APP: variants seen among roughly 807,000 people sequenced by gnomAD.
APP encodes amyloid-beta precursor protein.
In APP, 31 loss-of-function variants were observed where a neutral mutation model predicts 101.4. That is an observed-to-expected ratio of 0.31 (90% CI 0.23 to 0.41). The LOEUF is 0.41. APP is among the 10% of genes least tolerant of loss of function. The pLI, the probability that APP is intolerant of heterozygous loss-of-function variation, is 1.00. For synonymous variants in APP, 366 were observed against 364.4 expected (o/e 1.00, Z -0.05); for missense variants, 839 against 1,003.7 (o/e 0.84, Z 2.22).
chr21:26,135,433 G>T (rs2062875912), intron 1 of APP, among the ~76,000 whole-genome samples: 1 of 152,284 alleles, frequency 6.6e-6, no homozygotes, highest in Admixed American at 6.5e-5. Context: ...ATAGAACCAT[G>T]ACAAAACATA....
At chr21:26,110,586 A>G (rs1022896568) in intron 2 of APP, among the ~76,000 whole-genome samples, 4 of 152,228 alleles carry the variant, frequency 2.6e-5, no homozygotes, top group African/African-American at 9.6e-5. Flanking sequence ...GATAATGTAG[A>G]TGCTTTTTGC....
rs548796813 is a variant in APP, at chr21:25,901,986, A to G, written c.1963+3038T>C. ...CTGTATAATTAGTCCTTCAGAGTCT[A>G]TTTTTTCTTTGGAAGTAAGCCAGGA... On this transcript the variant is annotated intron_variant, in intron 15 of 17. Coordinates refer to ENST00000346798, the MANE Select transcript of APP (RefSeq NM_000484.4). 1.1e-4 allele frequency among the ~76,000 whole-genome samples: 17 copies of G among 151,996 alleles called. No individual in the cohort carries two copies. The East Asian group carries it at 2.7e-3, about 24-fold the overall frequency.
At position 26,049,645 on chromosome 21, in the gene APP, T is replaced by C. The variant is rs139554346; in HGVS notation, c.662+1355A>G. Among the ~76,000 whole-genome samples the C allele has an allele frequency of 1.6e-3, 247 of 152,312 alleles. 3 individuals carry two copies. Among genetic ancestry groups the C allele is most frequent in the South Asian group, 2.3e-3 (11 of 4,822 alleles). ...AGCAACTAAAGAAAGAAATTAATTT[T>C]TCCTAGCTATGGAGAATTGACAAAA... On this transcript the variant is annotated intron_variant, in intron 5 of 17. Transcript: ENST00000346798.
intron 7 of APP, 45 bp downstream of exon 7, chr21:25,999,970 C>T (rs200839321): frequency 3.5e-5 from 56 of 1,602,704 alleles, no homozygotes; most frequent in East Asian, 1.6e-4. Flanking sequence ...GAGTCAGTGG[C>T]GAGAGAGACG....
At chr21:25,884,946 C>G (rs1352113559) in intron 17 of APP, among the ~76,000 whole-genome samples, 2 of 152,188 alleles carry the variant, frequency 1.3e-5, no homozygotes, top group Non-Finnish European at 2.9e-5. Flanking sequence ...GCTAGAGATG[C>G]GAGGCTCCAA....
intron 16 of APP, among the ~76,000 whole-genome samples, chr21:25,894,827 T>C (rs1288739401): frequency 6.6e-6 from 1 of 152,236 alleles, no homozygotes; most frequent in Non-Finnish European, 1.5e-5. Context: ...AAAGCTGTTC[T>C]ACTGTGAGCA....
At chr21:26,148,215 T>C (rs996401138) in intron 1 of APP, among the ~76,000 whole-genome samples, 1 of 152,174 alleles carries the variant, frequency 6.6e-6, no homozygotes, top group African/African-American at 2.4e-5. Flanking sequence ...TGGTAAACAA[T>C]TATTTCAATG....
chr21:26,030,376 A>G (rs2044766979), intron 5 of APP, among the ~76,000 whole-genome samples: 1 of 152,170 alleles, frequency 6.6e-6, no homozygotes, highest in African/African-American at 2.4e-5. Flanking sequence ...CTAAAAATTT[A>G]TGTTAATTTT....
intron 3 of APP, among the ~76,000 whole-genome samples, chr21:26,073,733 A>T (rs1444948815): frequency 3.9e-5 from 6 of 152,220 alleles, no homozygotes; most frequent in Non-Finnish European, 8.8e-5. Flanking sequence ...CAAAGATCAG[A>T]TACAATGAGA....
chr21:25,885,614 C>T (rs542990949), intron 17 of APP, among the ~76,000 whole-genome samples: 26 of 152,260 alleles, frequency 1.7e-4, no homozygotes, highest in South Asian at 4.2e-4. Context: ...ACTCTCGGTA[C>T]GCTGCACCTT....
chr21:25,964,606 C>CTTTTTTTTT (rs150904952), intron 11 of APP, among the ~76,000 whole-genome samples: 1 of 122,568 alleles, frequency 8.2e-6, no homozygotes, highest in Non-Finnish European at 1.7e-5. Flanking sequence ...TTTTTCTTTT[C>CTTTTTTTTT]TTTTTTTTTT....
At chr21:26,055,207 C>G (rs922436686) in intron 3 of APP, among the ~76,000 whole-genome samples, 1 of 152,102 alleles carries the variant, frequency 6.6e-6, no homozygotes, top group South Asian at 2.1e-4. Flanking sequence ...TGAGCACACA[C>G]CCCATGCAGC....
intron 5 of APP, among the ~76,000 whole-genome samples, chr21:26,037,377 T>G (rs1334302135): frequency 6.6e-6 from 1 of 152,202 alleles, no homozygotes; most frequent in Non-Finnish European, 1.5e-5. Context: ...ATATTGAATT[T>G]TCCCAACACA....
At chr21:26,057,473 C>CCA (rs71855086) in intron 3 of APP, among the ~76,000 whole-genome samples, 7,083 of 149,078 alleles carry the variant, frequency 0.048, 412 homozygotes, top group African/African-American at 0.14. Flanking sequence ...ATGTCACACA[C>CCA]CACACACACA....
At position 26,067,290 on chromosome 21, in the gene APP, A is replaced by AAT. The variant is rs2046493907; in HGVS notation, c.356-13944_356-13943dup. ...TTTTTTTCTCCCAGACTAACTTTTT[A>AAT]ATATCTGGTGGGTTTTTTATACTCA... On this transcript the variant is annotated intron_variant, in intron 3 of 17. Coordinates refer to ENST00000346798, the MANE Select transcript of APP (RefSeq NM_000484.4). Among the ~76,000 whole-genome samples, 4 of 152,332 alleles carry AAT rather than the reference A, an allele frequency of 2.6e-5. No homozygotes were observed. The South Asian group carries it at 8.3e-4, about 32-fold the overall frequency.
intron 15 of APP, 126 bp from the exon 16 acceptor site, chr21:25,897,799 T>C (rs2038178359): frequency 2.6e-6 from 2 of 768,528 alleles, no homozygotes; most frequent in Admixed American, 2.1e-5. Flanking sequence ...AATTGATAAA[T>C]GACTCTTAAA....
At chr21:25,954,410 G>C (rs2041221785) in intron 13 of APP, among the ~76,000 whole-genome samples, 180 bp downstream of exon 13, 1 of 152,230 alleles carries the variant, frequency 6.6e-6, no homozygotes, top group Non-Finnish European at 1.5e-5. Flanking sequence ...CAAGTATGGA[G>C]AGGTAAGAAC....
intron 3 of APP, among the ~76,000 whole-genome samples, chr21:26,081,983 C>A (rs994216768): frequency 2.6e-5 from 4 of 152,076 alleles, no homozygotes; most frequent in Admixed American, 2.6e-4. Flanking sequence ...TTTGGGAGGC[C>A]AAGATGGGTG....
At chr21:25,929,027 T>A (rs2040026155) in intron 13 of APP, 1 of 152,206 alleles carries the variant, frequency 6.6e-6, no homozygotes, top group Non-Finnish European at 1.5e-5. Flanking sequence ...GCCTGATCCC[T>A]CATATCTTTT....
Sources: gnomAD v4.1 joint callset for allele counts (sites outside exome capture counted in the v4.1 genomes callset) on GRCh38, gnomAD v4.1.1 for gene constraint, MANE v1.5 for transcripts, NCBI Gene and HGNC (gene_info 2026-07-23, HGNC 2026-07-21) for gene names.